Variants in NUDT9 observed in about 807,000 individuals in gnomAD.
The protein encoded by NUDT9 is ADP-ribose pyrophosphatase.
NUDT9 carries 31 observed loss-of-function variants against 41.0 expected under a neutral mutation model. The ratio of observed to expected loss-of-function variants is 0.76; its 90% confidence interval spans 0.57 to 1.02. The LOEUF (loss-of-function observed/expected upper bound fraction) is 1.02. Ranked by LOEUF, NUDT9 falls within the 50% of genes least tolerant of loss-of-function variation. The pLI, the probability that NUDT9 is intolerant of heterozygous loss-of-function variation, is 0.00. For synonymous variants in NUDT9, 146 were observed against 147.6 expected, an observed-to-expected ratio of 0.99 and a Z score of 0.08; for missense variants, 380 against 431.4, an observed-to-expected ratio of 0.88 and a Z score of 1.06.
intron 2 of NUDT9, among the ~76,000 whole-genome samples, chr4:87,435,441 T>C (rs1721885850): frequency 6.6e-6 from 1 of 152,252 alleles, no homozygotes; most frequent in Non-Finnish European, 1.5e-5. Context: ...TAGTTAAATC[T>C]GTTTTGATTT....
intron 7 of NUDT9, among the ~76,000 whole-genome samples, chr4:87,456,042 T>A (rs72877398): frequency 0.04 from 6,065 of 152,226 alleles, 399 homozygotes; most frequent in African/African-American, 0.14. Flanking sequence ...AGGTTTTATG[T>A]TTATCTGGCT....
At chr4:87,433,189 A>G (rs1721764079) in intron 1 of NUDT9, among the ~76,000 whole-genome samples, 1 of 152,288 alleles carries the variant, frequency 6.6e-6, no homozygotes, top group South Asian at 2.1e-4. Flanking sequence ...AAAATTATTT[A>G]TACAACCCCA....
At chr4:87,438,827 C>T (rs866101613) in intron 3 of NUDT9, among the ~76,000 whole-genome samples, 28 of 152,160 alleles carry the variant, frequency 1.8e-4, no homozygotes, top group African/African-American at 6.8e-4. Flanking sequence ...TATCCATTTT[C>T]CTTAAGATAT....
intron 2 of NUDT9, among the ~76,000 whole-genome samples, chr4:87,435,777 A>T (rs745950997): frequency 1.3e-5 from 2 of 152,128 alleles, no homozygotes; most frequent in African/African-American, 2.4e-5. Context: ...TTTTATGTTT[A>T]TGTTTCTTTT....
intron 4 of NUDT9, among the ~76,000 whole-genome samples, chr4:87,444,739 A>C (rs1445639476): frequency 6.6e-6 from 1 of 152,156 alleles, no homozygotes; most frequent in African/African-American, 2.4e-5. Flanking sequence ...GGGAGTATAC[A>C]TGGTGATTGT....
intron 4 of NUDT9, among the ~76,000 whole-genome samples, chr4:87,444,542 A>C (rs937489835): frequency 6.6e-6 from 1 of 152,032 alleles, no homozygotes; most frequent in South Asian, 2.1e-4. Context: ...AAGAGTTAAT[A>C]AAAAAAATAT....
intron 6 of NUDT9, among the ~76,000 whole-genome samples, chr4:87,452,560 C>T (rs1722794645): frequency 6.6e-6 from 1 of 151,724 alleles, no homozygotes; most frequent in South Asian, 2.1e-4. Flanking sequence ...CTGTGATCCT[C>T]CCACGTCAGT....
intron 1 of NUDT9, among the ~76,000 whole-genome samples, chr4:87,425,788 T>C (rs971118222): frequency 1.3e-5 from 2 of 151,918 alleles, no homozygotes; most frequent in Admixed American, 1.3e-4. Flanking sequence ...GTTTTGCACT[T>C]AGTTTTTGTG....
chr4:87,426,091 G>A (rs1056982912), intron 1 of NUDT9, among the ~76,000 whole-genome samples: 5 of 152,166 alleles, frequency 3.3e-5, no homozygotes, highest in African/African-American at 1.2e-4. Flanking sequence ...GGGATTGTAG[G>A]TGTGAGACAC....
chr4:87,438,701 A>G (rs916877444), intron 3 of NUDT9, among the ~76,000 whole-genome samples: 1 of 152,254 alleles, frequency 6.6e-6, no homozygotes, highest in African/African-American at 2.4e-5. Flanking sequence ...ATTAAATGGT[A>G]TAGTATCTTA....
intron 4 of NUDT9, among the ~76,000 whole-genome samples, chr4:87,448,693 T>A (rs1722579216): frequency 6.6e-6 from 1 of 152,158 alleles, no homozygotes. Context: ...TTGCCCATCC[T>A]GGTCTTGAAC....
chr4:87,456,891 A>G (rs762933268), intron 7 of NUDT9, among the ~76,000 whole-genome samples: 4 of 152,186 alleles, frequency 2.6e-5, no homozygotes, highest in Admixed American at 6.5e-5. Flanking sequence ...TGATTGTGCC[A>G]CTGCACTTCA....
chr4:87,458,250 A>G lies in NUDT9; in HGVS notation c.*229A>G. Reference sequence around the variant, plus strand: ...AGGAATATAAGTAATCATATTTTGTATGTATTCGATTTAAGCATGGCTTAA... The same window carrying G: ...AGGAATATAAGTAATCATATTTTGTGTGTATTCGATTTAAGCATGGCTTAA... On this transcript the variant is annotated 3_prime_UTR_variant, in exon 8 of 8. Transcript: ENST00000302174. The G allele has an allele frequency of 2.8e-6, 1 of 363,630 alleles. No individual in the cohort carries two copies. Among genetic ancestry groups the G allele is most frequent in the Non-Finnish European group, 4.9e-6 (1 of 205,632 alleles). The allele number at this position is 363,630 out of a possible 1,614,324, so 22.5% of individuals were successfully genotyped here.
chr4:87,439,046 A>G (rs1398791340), intron 3 of NUDT9, among the ~76,000 whole-genome samples: 1 of 152,066 alleles, frequency 6.6e-6, no homozygotes, highest in Non-Finnish European at 1.5e-5. Context: ...GGGCACCTGT[A>G]ATCCCAGCTA....
chr4:87,455,459 TC>T (rs1177411280), intron 7 of NUDT9, among the ~76,000 whole-genome samples: 1 of 152,160 alleles, frequency 6.6e-6, no homozygotes, highest in Non-Finnish European at 1.5e-5. Context: ...CAATGACTGA[TC>T]CTCCAGAAGT....
At chr4:87,444,320 G>A (rs1388488120) in intron 4 of NUDT9, among the ~76,000 whole-genome samples, 2 of 151,834 alleles carry the variant, frequency 1.3e-5, no homozygotes, top group African/African-American at 2.4e-5. Context: ...TCAAGTTACT[G>A]GAAGAGGCAC....
chr4:87,458,076 G>T lies in NUDT9; in HGVS notation c.*55G>T. 1.4e-6 allele frequency: 2 copies of T among 1,425,316 alleles called. No individual in the cohort carries two copies. Among genetic ancestry groups the T allele is most frequent in the Non-Finnish European group, 1.8e-6 (2 of 1,085,724 alleles). 88.3% of individuals were successfully genotyped at this position (1,425,316 alleles called of 1,614,324 possible). ...ACAGAGGAGCATATACTGAAAAGAA[G>T]GCAGTATCACAGAATTTATACTATA... On this transcript the variant is annotated 3_prime_UTR_variant, in exon 8 of 8. Coordinates refer to ENST00000302174, the MANE Select transcript of NUDT9 (RefSeq NM_024047.5).
rs773518933 is a variant in NUDT9, at chr4:87,435,200, G to C, written c.327G>C (p.Arg109Ser). ...YTAVSVLAGP[R>S]WADPQISESN... The stretch of plus-strand genomic sequence containing the variant: ...CAGTCTCTGTCTTGGCTGGACCCAG[G>C]TGGGCAGATCCTCAGATCAGGTGAG... Residue 109 changes from arginine (R) to serine (S), a missense_variant, in exon 2 of 8, where the codon AGG (arginine) becomes AGC (serine). Physicochemically the swap from Arg to Ser is moderately radical, Grantham distance 110 (BLOSUM62 -1). Coordinates refer to ENST00000302174, the MANE Select transcript of NUDT9 (RefSeq NM_024047.5). 1.2e-6 allele frequency: 2 copies of C among 1,613,604 alleles called. No homozygotes were observed. Among genetic ancestry groups the C allele is most frequent in the African/African-American group, 1.3e-5 (1 of 75,062 alleles).
chr4:87,423,744 T>A (rs1229124342), intron 1 of NUDT9, among the ~76,000 whole-genome samples: 1 of 152,246 alleles, frequency 6.6e-6, no homozygotes, highest in African/African-American at 2.4e-5. Flanking sequence ...TGATGGGCAC[T>A]GGTTATCTGT....
Sources: allele counts gnomAD v4.1 joint callset (sites outside exome capture counted in the v4.1 genomes callset), GRCh38; gene constraint gnomAD v4.1.1; transcripts MANE v1.5; gene names NCBI Gene and HGNC (gene_info 2026-07-23, HGNC 2026-07-21).